NCAPD3: variants seen among roughly 807,000 people sequenced by gnomAD.
NCAPD3 encodes non-SMC condensin II complex subunit D3.
In NCAPD3, 105 loss-of-function variants were observed where a neutral mutation model predicts 182.9. The observed-to-expected ratio is 0.57, with a 90% CI of 0.49 to 0.68. NCAPD3 has a LOEUF of 0.68. Ranked by LOEUF, NCAPD3 falls within the 30% of genes least tolerant of loss-of-function variation. NCAPD3 has a pLI of 0.00. For missense variants in NCAPD3, 1,944 were observed against 1,837.0 expected, an observed-to-expected ratio of 1.06 and a Z score of -1.07; for synonymous variants, 815 against 679.9, an observed-to-expected ratio of 1.20 and a Z score of -3.09.
chr11:134,159,897 C>T lies in NCAPD3; in HGVS notation c.3862G>A (p.Ala1288Thr). ...GCAGTGGGCCCCACACCTACCTGTG[C>T]CACAGGTGCCACCTCAGCACCTCCA... Reference protein sequence around the residue: ...TAGGAEVAPVAQVALCLETVP... With the variant: ...TAGGAEVAPVTQVALCLETVP... Residue 1288 changes from alanine to threonine, a missense_variant, in exon 29 of 35, where the codon GCA (alanine) becomes ACA (threonine). Physicochemically the swap from Ala to Thr is moderately conservative, Grantham distance 58 (BLOSUM62 0). Around this residue, in one of 3 missense-constraint regions of NCAPD3, gnomAD observed 1,803 missense variants for 1,674.6 expected, o/e 1.08. Coordinates refer to ENST00000534548, the MANE Select transcript of NCAPD3 (RefSeq NM_015261.3). 2 of 1,612,084 alleles carry T rather than the reference C, an allele frequency of 1.2e-6. No homozygotes were observed. Among genetic ancestry groups the T allele is most frequent in the Non-Finnish European group, 1.7e-6 (2 of 1,179,628 alleles).
upstream of NCAPD3, chr11:134,224,109 C>T: frequency 1.4e-6 from 1 of 708,262 alleles, no homozygotes; most frequent in Non-Finnish European, 2.3e-6. Flanking sequence ...GCTCAGAGAA[C>T]TGGGCGGGCC....
chr11:134,211,060 T>A (rs1937816268), intron 3 of NCAPD3, among the ~76,000 whole-genome samples: 12 of 152,190 alleles, frequency 7.9e-5, no homozygotes, highest in Admixed American at 7.8e-4. Context: ...AGCAAGAAGA[T>A]GAATTATTTT....
At chr11:134,221,713 T>C (rs1214699709) in intron 1 of NCAPD3, among the ~76,000 whole-genome samples, 1 of 152,162 alleles carries the variant, frequency 6.6e-6, no homozygotes, top group African/African-American at 2.4e-5. Flanking sequence ...GGGCAAGGTA[T>C]AAATAAGGAA....
Position 134,169,283 on chromosome 11 carries a change from C to A in NCAPD3, c.3102-229G>T, listed in dbSNP as rs142272678. On this transcript the variant is annotated intron_variant, in intron 24 of 34. Coordinates refer to ENST00000534548, the MANE Select transcript of NCAPD3 (RefSeq NM_015261.3). ...ATCCAAGGTAAGTATATTTTTTCCA[C>A]CAGGTTTCCTTTCAAAATTGACACA... Among the ~76,000 whole-genome samples, 194 of 152,332 alleles carry A rather than the reference C, an allele frequency of 1.3e-3. 2 individuals carry two copies. The highest frequency in any genetic ancestry group is 4.4e-3 in the African/African-American group (183 of 41,580).
chr11:134,224,044 ACCGCGCCGAG>A (rs1157084308), upstream of NCAPD3: 2 of 1,259,730 alleles, frequency 1.6e-6, no homozygotes, highest in African/African-American at 3.0e-5. Context: ...CTGGCCAACC[ACCGCGCCGAG>A]CCGTTTCCAT....
chr11:134,222,073 G>A (rs1196181652), intron 1 of NCAPD3, among the ~76,000 whole-genome samples: 1 of 152,224 alleles, frequency 6.6e-6, no homozygotes, highest in African/African-American at 2.4e-5. Flanking sequence ...TTGGATGGCA[G>A]TAACTGGCCC....
intron 24 of NCAPD3, among the ~76,000 whole-genome samples, chr11:134,175,969 T>C (rs761959536): frequency 6.6e-6 from 1 of 151,444 alleles, no homozygotes; most frequent in Non-Finnish European, 1.5e-5. Context: ...TGCCTAGAAA[T>C]TAACAGTGAG....
At chr11:134,211,594 T>C (rs1204480032) in intron 3 of NCAPD3, among the ~76,000 whole-genome samples, 1 of 149,060 alleles carries the variant, frequency 6.7e-6, no homozygotes, top group African/African-American at 2.5e-5. Context: ...AATCAGTCAA[T>C]AAAAACAGCC....
intron 13 of NCAPD3, among the ~76,000 whole-genome samples, chr11:134,198,518 CTGAGGGCTGTG>C (rs746631370): frequency 5.9e-5 from 9 of 152,162 alleles, no homozygotes; most frequent in Non-Finnish European, 7.3e-5. Flanking sequence ...TCAGGACCTC[CTGAGGGCTGTG>C]TCACGGGCCA....
rs1346477090 is a variant in NCAPD3 at position 134,209,328 on chromosome 11, T to A, written c.717A>T (p.Val239=). ...TTTCACTTACCTCTATACAATTCTG[T>A]ACACATTGTGGCTTTTCTTTCAAGG... is the stretch of plus-strand genomic sequence containing the variant. The part of the protein sequence containing the change: ...KFSLKEKPQC[V]QNCIEVFVSL... The change falls in exon 5 of 35, where the codon GTA becomes GTT. Residue 239 remains valine (V), a synonymous_variant. Transcript: ENST00000534548. 3 of 1,613,710 alleles carry A rather than the reference T, an allele frequency of 1.9e-6. No individual in the cohort carries two copies. Among genetic ancestry groups the A allele is most frequent in the Non-Finnish European group, 2.5e-6 (3 of 1,179,942 alleles).
chr11:134,185,360 T>C lies in NCAPD3; in HGVS notation c.2212A>G (p.Ile738Val), dbSNP rs1047079560. ...CTGCTGATTTTCTCCCAAGATTGTA[T>C]TATTCTGCTGTAGTCCAGCCTGGGT... The part of the protein sequence containing the change: ...SSPRLDYSRI[I>V]QSWEKISSQQ... Residue 738 changes from isoleucine (I) to valine (V), a missense_variant, in exon 17 of 35, where the codon ATA becomes GTA. Ile to Val is a conservative substitution (Grantham distance 29, BLOSUM62 3). Coordinates refer to ENST00000534548, the MANE Select transcript of NCAPD3 (RefSeq NM_015261.3). 4 of 1,609,278 alleles carry C rather than the reference T, an allele frequency of 2.5e-6. No homozygotes were observed. Among genetic ancestry groups the C allele is most frequent in the Non-Finnish European group, 3.4e-6 (4 of 1,178,546 alleles).
chr11:134,161,858 GAAT>G lies in NCAPD3; in HGVS notation c.3604_3606del (p.Ile1202del), dbSNP rs1043870224. On this transcript the variant is annotated inframe_deletion, in exon 28 of 35. Coordinates refer to ENST00000534548, the MANE Select transcript of NCAPD3 (RefSeq NM_015261.3). ...ACAGTCTTCAGGGAGATGATAATTG[GAAT>G]AATATTTTCTATGAAATTCCTCTTC... The G allele has an allele frequency of 4.4e-6, 7 of 1,577,272 alleles. No homozygotes were observed. Among genetic ancestry groups the G allele is most frequent in the Admixed American group, 1.8e-5 (1 of 55,930 alleles).
chr11:134,201,572 C>T (rs554634332), intron 13 of NCAPD3, among the ~76,000 whole-genome samples: 1 of 152,300 alleles, frequency 6.6e-6, no homozygotes, highest in East Asian at 1.9e-4. Context: ...ATCTAAGTGA[C>T]TATACAAAAT....
At chr11:134,217,496 C>G (rs1429274969) in intron 2 of NCAPD3, among the ~76,000 whole-genome samples, 2 of 152,110 alleles carry the variant, frequency 1.3e-5, no homozygotes, top group Non-Finnish European at 2.9e-5. Flanking sequence ...TAATTACTAA[C>G]TGAGGAAATC....
Position 134,207,990 on chromosome 11 carries a change from T to C in NCAPD3, c.882+874A>G, listed in dbSNP as rs533116148. Among the ~76,000 whole-genome samples the C allele has an allele frequency of 1.2e-4, 19 of 152,328 alleles. No homozygotes were observed. In the South Asian group the frequency reaches 3.9e-3, roughly 32 times the overall value. On this transcript the variant is annotated intron_variant, in intron 7 of 34. Transcript: ENST00000534548. ...AGGCGGCCTGCTCAACTTCATTTAA[T>C]CCTGTGACAAATCGATAAAGAAGGT... is the stretch of plus-strand genomic sequence containing the variant.
rs1181362860 is a variant in NCAPD3 at position 134,217,080 on chromosome 11, T to C, written c.238A>G (p.Ile80Val). The C allele has an allele frequency of 6.2e-7, 1 of 1,611,858 alleles. No individual in the cohort carries two copies. Among genetic ancestry groups the C allele is most frequent in the Admixed American group, 1.7e-5 (1 of 59,554 alleles). The change falls in exon 3 of 35, where the codon ATT (isoleucine) becomes GTT (valine). Residue 80 changes from isoleucine (I) to valine (V), a missense_variant. Ile to Val is a conservative substitution (Grantham distance 29). Transcript: ENST00000534548. ...GTACTATGGGAAACATTGTTCTCAA[T>C]GAAGAAGGTCCAGATACTCTGTGGG... ...GSMESIWTFF[I>V]ENNVSHSTLV...
At chr11:134,199,394 C>T (rs1484918776) in intron 13 of NCAPD3, among the ~76,000 whole-genome samples, 1 of 152,138 alleles carries the variant, frequency 6.6e-6, no homozygotes, top group Non-Finnish European at 1.5e-5. Context: ...CAGCCCAGAG[C>T]AATTCACAAA....
chr11:134,184,952 A>G lies in NCAPD3; in HGVS notation c.2286T>C (p.Ile762=), dbSNP rs1944372473. ...SNTLGHILCV[I]GHIAKHLPKS... Reference sequence around the variant, plus strand: ...TAGGAAGATGCTTTGCAATATGCCCAATCACACAGAGAATATGTCCTAAGG... The same window carrying G: ...TAGGAAGATGCTTTGCAATATGCCCGATCACACAGAGAATATGTCCTAAGG... Residue 762 remains isoleucine, a synonymous_variant, in exon 18 of 35, where the codon ATT becomes ATC. Coordinates refer to ENST00000534548, the MANE Select transcript of NCAPD3 (RefSeq NM_015261.3). 1 of 1,614,020 alleles carries G rather than the reference A, an allele frequency of 6.2e-7. No homozygotes were observed. The highest frequency in any genetic ancestry group is 8.5e-7 in the Non-Finnish European group (1 of 1,179,904).
At chr11:134,154,152 T>C (rs1052799959) in intron 32 of NCAPD3, 1 of 152,288 alleles carries the variant, frequency 6.6e-6, no homozygotes, top group Non-Finnish European at 1.5e-5. Context: ...CTACATGAGG[T>C]TATCCACGTT....
Sources: allele counts gnomAD v4.1 joint callset (sites outside exome capture counted in the v4.1 genomes callset), GRCh38; gene constraint gnomAD v4.1.1; regional missense constraint gnomAD v4.1.1; transcripts MANE v1.5; gene names NCBI Gene and HGNC (gene_info 2026-07-23, HGNC 2026-07-21).